The following FAM13A variants were observed in gnomAD, a reference collection of about 807,000 sequenced individuals.
FAM13A encodes the protein protein FAM13A.
FAM13A carries 76 observed loss-of-function variants against 129.6 expected under a neutral mutation model. That is an observed-to-expected ratio of 0.59 (90% confidence interval 0.49 to 0.71). The LOEUF is 0.71. FAM13A is among the 30% of genes least tolerant of loss of function. FAM13A has a pLI of 0.00. For missense variants in FAM13A, 1,108 were observed against 1,249.3 expected, an observed-to-expected ratio of 0.89 and a Z score of 1.70; for synonymous variants, 443 against 449.9, an observed-to-expected ratio of 0.98 and a Z score of 0.20.
chr4:88,858,161 C>T (rs1738872967), intron 6 of FAM13A, among the ~76,000 whole-genome samples: 1 of 152,162 alleles, frequency 6.6e-6, no homozygotes, highest in African/African-American at 2.4e-5. Flanking sequence ...GGTAGAGCCC[C>T]ATGTCCTGAG....
At chr4:88,835,880 G>C (rs2149903184) in intron 7 of FAM13A, among the ~76,000 whole-genome samples, 1 of 152,104 alleles carries the variant, frequency 6.6e-6, no homozygotes, top group East Asian at 1.9e-4. Context: ...TTCTTAATAG[G>C]CCATGGACCT....
chr4:88,920,885 C>T (rs536534075), intron 5 of FAM13A, among the ~76,000 whole-genome samples: 20 of 152,072 alleles, frequency 1.3e-4, no homozygotes, highest in African/African-American at 4.3e-4. Flanking sequence ...AGCCAAAGCT[C>T]GAGAACTACG....
At chr4:89,046,432 A>C (rs1177079802) in intron 1 of FAM13A, among the ~76,000 whole-genome samples, 1 of 151,322 alleles carries the variant, frequency 6.6e-6, no homozygotes, top group East Asian at 1.9e-4. Context: ...AAGAAATAAC[A>C]GTCACTTCTA....
chr4:89,047,828 T>G (rs1048566204), intron 1 of FAM13A, among the ~76,000 whole-genome samples: 6 of 152,036 alleles, frequency 3.9e-5, no homozygotes, highest in Admixed American at 3.3e-4. Context: ...ATGACACAAC[T>G]AAGAAACAGG....
chr4:88,761,932 C>T (rs1374705161), intron 13 of FAM13A, among the ~76,000 whole-genome samples: 2 of 151,744 alleles, frequency 1.3e-5, no homozygotes, highest in Admixed American at 1.3e-4. Context: ...ACAGAGAAGA[C>T]AGTTAATCAA....
chr4:88,756,019 C>T (rs1743550070), intron 14 of FAM13A, among the ~76,000 whole-genome samples: 2 of 152,160 alleles, frequency 1.3e-5, no homozygotes, highest in South Asian at 4.1e-4. Flanking sequence ...CTGCTTAAAC[C>T]CCAGTGCTTA....
intron 3 of FAM13A, among the ~76,000 whole-genome samples, chr4:89,020,166 G>A (rs1767051441): frequency 6.6e-6 from 1 of 151,846 alleles, no homozygotes; most frequent in African/African-American, 2.4e-5. Context: ...ATGAGGGCCT[G>A]GAGTAAAATA....
intron 7 of FAM13A, among the ~76,000 whole-genome samples, chr4:88,842,298 T>C (rs1735970788): frequency 6.6e-6 from 1 of 152,224 alleles, no homozygotes; most frequent in Admixed American, 6.5e-5. Flanking sequence ...TTAGCAGAGA[T>C]ACGGAACTGT....
chr4:88,754,515 C>A (rs529120911), intron 14 of FAM13A, among the ~76,000 whole-genome samples: 1 of 152,136 alleles, frequency 6.6e-6, no homozygotes, highest in African/African-American at 2.4e-5. Context: ...TTCCACATTC[C>A]CTTTCCAACT....
At position 88,732,251 on chromosome 4, in the gene FAM13A, T is replaced by G. The variant is rs534691875; in HGVS notation, c.2647-53A>C. ...AATCTGGTCACTTTTTGGGGCAGAC[T>G]TTCATTACAAGTATCATTTAATAAT... On this transcript the variant is annotated intron_variant, in intron 21 of 23. Coordinates refer to ENST00000264344, the MANE Select transcript of FAM13A (RefSeq NM_014883.4). 288 of 1,298,394 alleles carry G rather than the reference T, an allele frequency of 2.2e-4. 1 individual carries two copies. Among genetic ancestry groups the G allele is most frequent in the Admixed American group, 8.0e-4 (37 of 46,072 alleles). 80.4% of individuals were successfully genotyped at this position (1,298,394 alleles called of 1,614,324 possible). A position where few individuals can be genotyped will look rare whatever the true frequency, so the allele number is the denominator to read the frequency against.
chr4:88,899,771 G>A (rs1166997203), intron 6 of FAM13A, among the ~76,000 whole-genome samples: 2 of 152,192 alleles, frequency 1.3e-5, no homozygotes, highest in South Asian at 2.1e-4. Flanking sequence ...ACAGAACTGG[G>A]TGGAGGCTGA....
At position 88,922,268 on chromosome 4, in the gene FAM13A, A is replaced by C. The variant is rs546928490; in HGVS notation, c.760-15806T>G. Among the ~76,000 whole-genome samples, 174 of 151,966 alleles carry C rather than the reference A, an allele frequency of 1.1e-3. 1 individual carries two copies. The highest frequency in any genetic ancestry group is 3.9e-3 in the African/African-American group (163 of 41,434). On this transcript the variant is annotated intron_variant, in intron 5 of 23. Coordinates refer to ENST00000264344, the MANE Select transcript of FAM13A (RefSeq NM_014883.4). ...TATACATTTTTTTCAGCACCACACC[A>C]CACCTATTCCAAAATTGACCACATA...
rs188215271 is a variant in FAM13A, at chr4:88,730,486, G to A, written c.2945+841C>T. ...CGGCTCACTGCAACCTTGGCCTCCC[G>A]GGTTCAAGTGATTCTCTTGCCTCAG... On this transcript the variant is annotated intron_variant, in intron 23 of 23. Coordinates refer to ENST00000264344, the MANE Select transcript of FAM13A (RefSeq NM_014883.4). 5.9e-5 allele frequency among the ~76,000 whole-genome samples: 9 copies of A among 152,218 alleles called. No homozygotes were observed. In the East Asian group the frequency reaches 1.2e-3, roughly 20 times the overall value.
At chr4:88,769,667 A>C (rs944580516) in intron 11 of FAM13A, among the ~76,000 whole-genome samples, 2 of 152,038 alleles carry the variant, frequency 1.3e-5, no homozygotes, top group Non-Finnish European at 2.9e-5. Context: ...CCCCATCTCT[A>C]CTAAAAATAC....
At chr4:88,861,532 A>T (rs984558157) in intron 6 of FAM13A, among the ~76,000 whole-genome samples, 1 of 152,192 alleles carries the variant, frequency 6.6e-6, no homozygotes, top group African/African-American at 2.4e-5. Flanking sequence ...TTGGGAAGAC[A>T]AGTCATTATC....
At position 89,020,615 on chromosome 4, in the gene FAM13A, T is replaced by C; in HGVS notation, c.272A>G (p.Gln91Arg). Residue 91 changes from glutamine to arginine, a missense_variant, in exon 3 of 24, where the codon CAA becomes CGA. By Grantham distance (43) the Gln-to-Arg change is conservative. Around this residue, in one of 3 missense-constraint regions of FAM13A, gnomAD observed 566 missense variants for 595.7 expected, o/e 0.95. Coordinates refer to ENST00000264344, the MANE Select transcript of FAM13A (RefSeq NM_014883.4). ...TCCACTCTCGAACTTCAGTCGAAGTTGTTCCACCACCTTCACGTTACCATT... is the reference window on the plus strand; with the variant it reads ...TCCACTCTCGAACTTCAGTCGAAGTCGTTCCACCACCTTCACGTTACCATT... ...RVNGNVKVVE[Q>R]LRLKFESGVP... 1 of 1,614,204 alleles carries C rather than the reference T, an allele frequency of 6.2e-7. No homozygotes were observed. Among genetic ancestry groups the C allele is most frequent in the Non-Finnish European group, 8.5e-7 (1 of 1,180,042 alleles).
rs967930949 is a variant in FAM13A, at chr4:89,000,883, A to T, written c.428-9733T>A. On this transcript the variant is annotated intron_variant, in intron 3 of 23. Transcript: ENST00000264344. ...ATTTTTTTAAAAGAATAAGTCCTCA[A>T]GGATAAAGAGAATAGCCTAAAACAT... Among the ~76,000 whole-genome samples, 6 of 152,390 alleles carry T rather than the reference A, an allele frequency of 3.9e-5. No individual in the cohort carries two copies. In the South Asian group the frequency reaches 1.0e-3, roughly 26 times the overall value.
chr4:88,770,493 C>G (rs1204317532), intron 11 of FAM13A, among the ~76,000 whole-genome samples: 2 of 151,876 alleles, frequency 1.3e-5, no homozygotes, highest in Non-Finnish European at 2.9e-5. Context: ...TGACGATTTC[C>G]AAAGAACTAA....
chr4:88,734,855 T>C (rs947195746), intron 21 of FAM13A, among the ~76,000 whole-genome samples: 2 of 152,208 alleles, frequency 1.3e-5, no homozygotes, highest in African/African-American at 4.8e-5. Flanking sequence ...TCCCAATACC[T>C]TGTCAGTTGC....
Sources: gnomAD v4.1 joint callset for allele counts (sites outside exome capture counted in the v4.1 genomes callset) on GRCh38, gnomAD v4.1.1 for gene constraint, gnomAD v4.1.1 regional missense constraint, MANE v1.5 for transcripts, NCBI Gene and HGNC (gene_info 2026-07-23, HGNC 2026-07-21) for gene names.